ULK4: variants seen among roughly 807,000 people sequenced by gnomAD.
The protein encoded by ULK4 is inactive serine/threonine-protein kinase ULK4.
A neutral mutation model predicts 160.6 loss-of-function variants in ULK4; 133 were observed. The observed-to-expected ratio is 0.83, with a 90% CI of 0.72 to 0.96. The LOEUF is 0.96. ULK4 is among the 40% of genes least tolerant of loss of function. The pLI is 0.00. For synonymous variants in ULK4, 534 were observed against 539.8 expected (o/e 0.99, Z 0.15); for missense variants, 1,580 against 1,499.5 (o/e 1.05, Z -0.89).
intron 25 of ULK4, among the ~76,000 whole-genome samples, chr3:41,705,988 C>G (rs996657707): frequency 2.0e-5 from 3 of 152,134 alleles, no homozygotes; most frequent in African/African-American, 7.2e-5. Flanking sequence ...ACCCTGAGTA[C>G]AAACTGTGTC....
chr3:41,432,916 G>C (rs369480713), intron 34 of ULK4, among the ~76,000 whole-genome samples: 97 of 150,976 alleles, frequency 6.4e-4, no homozygotes, highest in African/African-American at 2.3e-3. Context: ...GGAAGTAGTA[G>C]AAGAAAATGT....
chr3:41,401,412 A>G (rs1298017099), intron 34 of ULK4, among the ~76,000 whole-genome samples: 1 of 152,142 alleles, frequency 6.6e-6, no homozygotes, highest in African/African-American at 2.4e-5. Context: ...GTCCTATGGT[A>G]CTGCATGTTT....
chr3:41,911,769 C>A (rs563436302), intron 9 of ULK4, 110 bp from the exon 10 acceptor site: 55 of 802,418 alleles, frequency 6.9e-5, no homozygotes, highest in Non-Finnish European at 1.0e-4. Flanking sequence ...TGACATTTAG[C>A]AAAGTTACAG....
At chr3:41,288,809 A>G (rs1296729652) in intron 35 of ULK4, among the ~76,000 whole-genome samples, 1 of 152,208 alleles carries the variant, frequency 6.6e-6, no homozygotes, top group Non-Finnish European at 1.5e-5. Context: ...GGACCTGCCC[A>G]GTGGCTGTGT....
intron 12 of ULK4, among the ~76,000 whole-genome samples, chr3:41,906,596 T>C (rs1333641894): frequency 6.6e-6 from 1 of 151,262 alleles, no homozygotes; most frequent in Non-Finnish European, 1.5e-5. Flanking sequence ...ATTCACCAGC[T>C]GATGACTGGA....
At chr3:41,438,154 A>C (rs1253226828) in intron 34 of ULK4, among the ~76,000 whole-genome samples, 1 of 151,900 alleles carries the variant, frequency 6.6e-6, no homozygotes, top group Non-Finnish European at 1.5e-5. Context: ...ACAGCAAAGA[A>C]AGGCATTTTT....
At chr3:41,952,854 G>T (rs949603449) in intron 2 of ULK4, among the ~76,000 whole-genome samples, 16 of 152,144 alleles carry the variant, frequency 1.1e-4, no homozygotes, top group Non-Finnish European at 1.9e-4. Flanking sequence ...CTTTATATAT[G>T]TACAATGAAA....
At chr3:41,438,277 A>G (rs1338560835) in intron 34 of ULK4, among the ~76,000 whole-genome samples, 3 of 152,108 alleles carry the variant, frequency 2.0e-5, no homozygotes, top group Admixed American at 2.0e-4. Context: ...ATCAGACCAT[A>G]TAACTTTTTT....
chr3:41,815,539 C>G (rs1368791959), intron 19 of ULK4, among the ~76,000 whole-genome samples: 1 of 152,132 alleles, frequency 6.6e-6, no homozygotes, highest in East Asian at 1.9e-4. Context: ...GAAGGCAATA[C>G]TCTGTAAATC....
At chr3:41,591,749 T>C (rs1045329385) in intron 31 of ULK4, among the ~76,000 whole-genome samples, 3 of 152,172 alleles carry the variant, frequency 2.0e-5, no homozygotes, top group African/African-American at 7.2e-5. Flanking sequence ...ACGTGTTATG[T>C]GGTAAATATT....
intron 35 of ULK4, among the ~76,000 whole-genome samples, chr3:41,313,299 GGTT>G (rs1468906874): frequency 1.3e-5 from 2 of 152,168 alleles, no homozygotes; most frequent in African/African-American, 4.8e-5. Flanking sequence ...AATTTCATAT[GGTT>G]GTTGTGAGAA....
At chr3:41,873,892 TTG>T (rs1697208192) in intron 17 of ULK4, among the ~76,000 whole-genome samples, 1 of 151,548 alleles carries the variant, frequency 6.6e-6, no homozygotes, top group South Asian at 2.1e-4. Flanking sequence ...TTTTTTTTTT[TTG>T]ATGTGGGAGG....
intron 34 of ULK4, among the ~76,000 whole-genome samples, chr3:41,431,794 CTT>C (rs11402711): frequency 3.0e-5 from 4 of 134,894 alleles, no homozygotes; most frequent in Non-Finnish European, 3.1e-5. Context: ...TTTTTCTTTT[CTT>C]TTTTTTTTTT....
intron 20 of ULK4, among the ~76,000 whole-genome samples, chr3:41,791,145 T>C (rs2040138565): frequency 6.6e-6 from 1 of 152,212 alleles, no homozygotes; most frequent in Admixed American, 6.5e-5. Context: ...CCTTTTTCTC[T>C]CCAAGAATAA....
At chr3:41,442,255 C>T (rs1432796596) in intron 34 of ULK4, among the ~76,000 whole-genome samples, 1 of 151,986 alleles carries the variant, frequency 6.6e-6, no homozygotes, top group Non-Finnish European at 1.5e-5. Flanking sequence ...ATTGTTTGTG[C>T]TAAGGAAAAA....
intron 32 of ULK4, among the ~76,000 whole-genome samples, chr3:41,472,198 CA>C (rs898461277): frequency 4.0e-5 from 6 of 151,284 alleles, no homozygotes; most frequent in Admixed American, 3.3e-4. Flanking sequence ...AACTAAATGT[CA>C]AAAAAAATTG....
chr3:41,291,602 G>A (rs2079566579), intron 35 of ULK4, among the ~76,000 whole-genome samples: 1 of 152,126 alleles, frequency 6.6e-6, no homozygotes, highest in Admixed American at 6.6e-5. Flanking sequence ...TGTTTCCCAA[G>A]AGAAGAATGG....
At chr3:41,799,251 T>C (rs1012268412) in intron 20 of ULK4, among the ~76,000 whole-genome samples, 7 of 152,110 alleles carry the variant, frequency 4.6e-5, no homozygotes, top group Non-Finnish European at 1.0e-4. Flanking sequence ...AAATAAATCA[T>C]AGGAGAGAGG....
At chr3:41,383,155 A>T (rs2081710649) in intron 35 of ULK4, among the ~76,000 whole-genome samples, 1 of 150,872 alleles carries the variant, frequency 6.6e-6, no homozygotes, top group Admixed American at 6.6e-5. Flanking sequence ...CTGGAGTGCA[A>T]TGGCGCAATC....
Sources: allele counts gnomAD v4.1 joint callset (sites outside exome capture counted in the v4.1 genomes callset), GRCh38; gene constraint gnomAD v4.1.1; transcripts MANE v1.5; gene names NCBI Gene and HGNC (gene_info 2026-07-23, HGNC 2026-07-21).